Variants in SUCLG2 observed in about 807,000 individuals in gnomAD.
The protein encoded by SUCLG2 is succinate-CoA ligase GDP-forming subunit beta, also known as succinate--CoA ligase [GDP-forming] subunit beta, mitochondrial.
Under a neutral mutation model 47.9 loss-of-function variants are expected in SUCLG2, and 42 were observed. The ratio of observed to expected loss-of-function variants is 0.88; its 90% CI spans 0.69 to 1.14. The LOEUF (loss-of-function observed/expected upper bound fraction) is 1.14, where lower values mean the gene tolerates loss of function less well. Among genes scored for constraint, SUCLG2 ranks in the 50% most tolerant of loss-of-function variants. SUCLG2 has a pLI of 0.00. For synonymous variants in SUCLG2, 195 were observed against 197.3 expected, an observed-to-expected ratio of 0.99 and a Z score of 0.10; for missense variants, 571 against 525.9, an observed-to-expected ratio of 1.09 and a Z score of -0.84.
chr3:67,443,948 C>T (rs1202976108), intron 9 of SUCLG2, among the ~76,000 whole-genome samples: 334 of 104,648 alleles, frequency 3.2e-3, no homozygotes, highest in African/African-American at 0.01. Flanking sequence ...CCACCCCGTC[C>T]GGGAGGGAGG....
chr3:67,443,759 G>C (rs1156562750), intron 9 of SUCLG2, among the ~76,000 whole-genome samples: 1 of 91,668 alleles, frequency 1.1e-5, no homozygotes, highest in Non-Finnish European at 2.6e-5. Flanking sequence ...TCTGGGAGGT[G>C]AGGAGCATCT....
rs1702592767 is a variant in SUCLG2, at chr3:67,398,166, A to C, written c.1183+2565T>G. 2.0e-5 allele frequency among the ~76,000 whole-genome samples: 3 copies of C among 150,462 alleles called. No individual in the cohort carries two copies. In the South Asian group the frequency reaches 6.3e-4, roughly 31 times the overall value. On this transcript the variant is annotated intron_variant, in intron 10 of 10. Transcript: ENST00000307227. ...AATGGCAACAAAAGCCAAAATTGAC[A>C]AATGGGATCTAATTAAACTAAAGAG... is the stretch of plus-strand genomic sequence containing the variant.
chr3:67,491,076 C>T (rs1705189456), intron 9 of SUCLG2, among the ~76,000 whole-genome samples: 1 of 152,050 alleles, frequency 6.6e-6, no homozygotes, highest in Non-Finnish European at 1.5e-5. Context: ...AACCCAAGCA[C>T]TTTGGGAGGC....
At chr3:67,569,920 C>A (rs546661200) in intron 2 of SUCLG2, among the ~76,000 whole-genome samples, 1 of 152,236 alleles carries the variant, frequency 6.6e-6, no homozygotes, top group Non-Finnish European at 1.5e-5. Flanking sequence ...TGTTTGTAAA[C>A]CTCCCTAAAT....
intron 1 of SUCLG2, among the ~76,000 whole-genome samples, chr3:67,635,829 T>G (rs528684819): frequency 2.6e-5 from 4 of 152,262 alleles, no homozygotes; most frequent in African/African-American, 9.6e-5. Flanking sequence ...GCCTTTTGTT[T>G]CCCATTTCAA....
At chr3:67,403,821 C>G (rs534835953) in intron 9 of SUCLG2, among the ~76,000 whole-genome samples, 1 of 152,244 alleles carries the variant, frequency 6.6e-6, no homozygotes, top group South Asian at 2.1e-4. Flanking sequence ...ACAGGTGAGG[C>G]CAAGATTGTC....
chr3:67,547,390 T>C (rs1706894548), intron 2 of SUCLG2, among the ~76,000 whole-genome samples: 1 of 152,236 alleles, frequency 6.6e-6, no homozygotes, highest in Non-Finnish European at 1.5e-5. Context: ...CATAGTGTTT[T>C]ACTCTATTTT....
chr3:67,620,754 C>T (rs1431990019), intron 1 of SUCLG2, among the ~76,000 whole-genome samples: 1 of 152,066 alleles, frequency 6.6e-6, no homozygotes, highest in Non-Finnish European at 1.5e-5. Context: ...CAAAGCACAG[C>T]AGGCTGAGAG....
chr3:67,523,578 C>A (rs1359820971), intron 4 of SUCLG2, among the ~76,000 whole-genome samples: 1 of 152,242 alleles, frequency 6.6e-6, no homozygotes, highest in East Asian at 1.9e-4. Context: ...TTATAAAATA[C>A]AGTAACAACT....
At chr3:67,408,526 A>T in intron 9 of SUCLG2, 1 of 725,546 alleles carries the variant, frequency 1.4e-6, no homozygotes, top group African/African-American at 1.9e-5. Context: ...TTATGGAGAG[A>T]TCCTCTGGGG....
chr3:67,588,677 CA>C (rs1708083818), intron 2 of SUCLG2, among the ~76,000 whole-genome samples: 1 of 152,144 alleles, frequency 6.6e-6, no homozygotes, highest in African/African-American at 2.4e-5. Context: ...ACATTTTTAG[CA>C]AAAGACATGA....
intron 1 of SUCLG2, among the ~76,000 whole-genome samples, chr3:67,611,185 T>C (rs1015324310): frequency 6.6e-6 from 1 of 152,250 alleles, no homozygotes; most frequent in African/African-American, 2.4e-5. Flanking sequence ...AATTTCAACA[T>C]GATCAAGCCT....
intron 9 of SUCLG2, among the ~76,000 whole-genome samples, chr3:67,469,660 C>A (rs1230266062): frequency 6.6e-6 from 1 of 151,184 alleles, no homozygotes; most frequent in African/African-American, 2.4e-5. Flanking sequence ...ACCCAGGAGG[C>A]GGAGGTTGCA....
chr3:67,645,050 T>C (rs1701166951), intron 1 of SUCLG2, among the ~76,000 whole-genome samples: 1 of 152,128 alleles, frequency 6.6e-6, no homozygotes, highest in Non-Finnish European at 1.5e-5. Context: ...GACTCTTGGC[T>C]TACCATAAGC....
At chr3:67,516,302 A>T (rs1055960462) in intron 6 of SUCLG2, among the ~76,000 whole-genome samples, 1 of 152,182 alleles carries the variant, frequency 6.6e-6, no homozygotes, top group African/African-American at 2.4e-5. Context: ...TCTTCCTTCC[A>T]TAGGTAACTC....
chr3:67,530,587 T>C (rs1398221338), intron 2 of SUCLG2, among the ~76,000 whole-genome samples: 1 of 152,184 alleles, frequency 6.6e-6, no homozygotes, highest in African/African-American at 2.4e-5. Flanking sequence ...TACAGAAGTA[T>C]TTTACAGAAG....
rs983632471 is a variant in SUCLG2, at chr3:67,592,656, C to G, written c.226+16799G>C. Among the ~76,000 whole-genome samples, 5 of 127,278 alleles carry G rather than the reference C, an allele frequency of 3.9e-5. No homozygotes were observed. The Admixed American group carries it at 4.0e-4, about 10-fold the overall frequency. The allele number at this position is 127,278 out of a possible 152,430, so 83.5% of individuals were successfully genotyped here. On this transcript the variant is annotated intron_variant, in intron 2 of 10. Transcript: ENST00000307227. ...CTCCTTGTTATTCAAGACATCAACT[C>G]AACAAGTGGGAAAAGACATTGGTAA...
intron 1 of SUCLG2, among the ~76,000 whole-genome samples, chr3:67,621,341 C>G (rs1166548563): frequency 6.6e-6 from 1 of 152,090 alleles, no homozygotes; most frequent in Non-Finnish European, 1.5e-5. Flanking sequence ...AAAAAGAAAT[C>G]TAGTATTAGA....
At chr3:67,554,543 T>A (rs1707104743) in intron 2 of SUCLG2, among the ~76,000 whole-genome samples, 1 of 152,196 alleles carries the variant, frequency 6.6e-6, no homozygotes, top group South Asian at 2.1e-4. Flanking sequence ...CTGACTGAAT[T>A]CAGAATTATT....
Sources: allele counts gnomAD v4.1 joint callset (sites outside exome capture counted in the v4.1 genomes callset), GRCh38; gene constraint gnomAD v4.1.1; transcripts MANE v1.5; gene names NCBI Gene and HGNC (gene_info 2026-07-23, HGNC 2026-07-21).